ANKRD62: variants seen among roughly 807,000 people sequenced by gnomAD.
ANKRD62 encodes the protein ankyrin repeat domain-containing protein 62.
In ANKRD62, 61 loss-of-function variants were observed where a neutral mutation model predicts 98.8. The observed-to-expected ratio is 0.62, with a 90% CI of 0.50 to 0.76. ANKRD62 has a LOEUF of 0.76. Among genes scored for constraint, ANKRD62 ranks in the 30% least tolerant of loss-of-function variants. The pLI is 0.00. For missense variants in ANKRD62, 933 were observed against 1,082.9 expected (o/e 0.86, Z 1.94); for synonymous variants, 341 against 367.9 (o/e 0.93, Z 0.84).
chr18:12,141,593 G>A, the ANKRD62 span, among the ~76,000 whole-genome samples: 56 of 134,962 alleles, frequency 4.1e-4, no homozygotes, highest in African/African-American at 1.6e-3. Context: ...ATTAGGTATT[G>A]CCATCTTCCT....
At chr18:12,167,047 A>T in the ANKRD62 span, among the ~76,000 whole-genome samples, 7 of 151,944 alleles carry the variant, frequency 4.6e-5, no homozygotes, top group Admixed American at 4.6e-4. Context: ...CACAAAGGAC[A>T]TGAACTCATC....
In ANKRD62 at chr18:12,107,343, A is replaced by C; in HGVS notation, c.940A>C (p.Arg314=). Residue 314 remains arginine (R), a synonymous_variant, in exon 8 of 14, where the codon AGA becomes CGA. Transcript: ENST00000587848. ...CAGAAATAAGAAAATGGAAGTGTCA[A>C]GAAACGTACATGCTGATGACAGTGA... is the stretch of plus-strand genomic sequence containing the variant. ...KCRNKKMEVS[R]NVHADDSDNY... is the part of the protein sequence containing the mutation. 6.7e-7 allele frequency: 1 copy of C among 1,501,688 alleles called. No individual in the cohort carries two copies. The highest frequency in any genetic ancestry group is 8.8e-7 in the Non-Finnish European group (1 of 1,131,400). The allele number at this position is 1,501,688 out of a possible 1,614,324, so 93.0% of individuals were successfully genotyped here. A position where few individuals can be genotyped will look rare whatever the true frequency, so the allele number is the denominator to read the frequency against.
the ANKRD62 span, among the ~76,000 whole-genome samples, chr18:12,172,072 G>T: frequency 6.6e-6 from 1 of 152,050 alleles, no homozygotes; most frequent in African/African-American, 2.4e-5. Context: ...CTCTGGGATG[G>T]GTTTGAACAT....
chr18:12,176,228 A>G, the ANKRD62 span, among the ~76,000 whole-genome samples: 1,783 of 151,642 alleles, frequency 0.012, 69 homozygotes, highest in African/African-American at 0.042. Context: ...TTTAAATTAA[A>G]CCTAAATGGC....
intron 3 of ANKRD62, among the ~76,000 whole-genome samples, chr18:12,095,861 C>T (rs1160104300): frequency 6.6e-6 from 1 of 152,168 alleles, no homozygotes; most frequent in Non-Finnish European, 1.5e-5. Context: ...ATTTAGGAAA[C>T]TCATACACAT....
At chr18:12,137,259 G>A in the ANKRD62 span, among the ~76,000 whole-genome samples, 1 of 152,098 alleles carries the variant, frequency 6.6e-6, no homozygotes, top group South Asian at 2.1e-4. Context: ...TAGCATGAAG[G>A]GTTGTTGAAT....
the ANKRD62 span, among the ~76,000 whole-genome samples, chr18:12,146,305 G>A: frequency 1.3e-5 from 2 of 152,170 alleles, no homozygotes; most frequent in African/African-American, 4.8e-5. Flanking sequence ...CCAGGAGGAG[G>A]ATCAGGCCGC....
At chr18:12,157,005 G>A in the ANKRD62 span, among the ~76,000 whole-genome samples, 1 of 152,046 alleles carries the variant, frequency 6.6e-6, no homozygotes, top group African/African-American at 2.4e-5. Flanking sequence ...ATGTTGCCCA[G>A]GCAAGCAATC....
chr18:12,178,129 C>T, the ANKRD62 span, among the ~76,000 whole-genome samples: 4 of 151,516 alleles, frequency 2.6e-5, no homozygotes, highest in Admixed American at 2.6e-4. Flanking sequence ...ACACTTTTTA[C>T]CCAAATTTGA....
chr18:12,108,852 T>C (rs1909473293), intron 8 of ANKRD62, among the ~76,000 whole-genome samples: 1 of 152,196 alleles, frequency 6.6e-6, no homozygotes, highest in South Asian at 2.1e-4. Context: ...TACTTGGCAG[T>C]CATTAAATCT....
At chr18:12,115,282 G>A (rs1598735278) in intron 9 of ANKRD62, 111 bp from the exon 10 acceptor site, 5 of 1,287,586 alleles carry the variant, frequency 3.9e-6, no homozygotes, top group Non-Finnish European at 5.1e-6. Flanking sequence ...ATTTTAAGAA[G>A]TACCTGTGTT....
the ANKRD62 span, among the ~76,000 whole-genome samples, chr18:12,166,541 TG>T: frequency 6.6e-6 from 1 of 152,144 alleles, no homozygotes; most frequent in African/African-American, 2.4e-5. Context: ...TGTGTTACCT[TG>T]AATTTTTTTT....
the ANKRD62 span, among the ~76,000 whole-genome samples, chr18:12,164,260 C>T: frequency 6.6e-6 from 1 of 151,794 alleles, no homozygotes; most frequent in Admixed American, 6.6e-5. Flanking sequence ...TATCCACTTC[C>T]CCTACATTTT....
At chr18:12,098,220 G>A (rs921837602) in intron 5 of ANKRD62, among the ~76,000 whole-genome samples, 2 of 152,240 alleles carry the variant, frequency 1.3e-5, no homozygotes, top group South Asian at 4.1e-4. Flanking sequence ...CCAACTTGTG[G>A]TTGGCCCCTC....
chr18:12,135,057 T>TA, the ANKRD62 span, among the ~76,000 whole-genome samples: 1 of 151,642 alleles, frequency 6.6e-6, no homozygotes, highest in South Asian at 2.1e-4. Flanking sequence ...TTTTTTTTTT[T>TA]ATACTTTAAG....
At chr18:12,114,024 T>G (rs1301312754) in intron 8 of ANKRD62, among the ~76,000 whole-genome samples, 2 of 152,098 alleles carry the variant, frequency 1.3e-5, no homozygotes, top group Non-Finnish European at 2.9e-5. Flanking sequence ...TTCTTAGCAA[T>G]TTAACACAGT....
Position 12,122,306 on chromosome 18 carries a change from T to C in ANKRD62, c.1244T>C (p.Phe415Ser), listed in dbSNP as rs565185001. 2.0e-6 allele frequency: 3 copies of C among 1,533,178 alleles called. No individual in the cohort carries two copies. The South Asian group carries it at 3.6e-5, about 18-fold the overall frequency. The allele number at this position is 1,533,178 out of a possible 1,614,324, so 95.0% of individuals were successfully genotyped here. A position where few individuals can be genotyped will look rare whatever the true frequency, so the allele number is the denominator to read the frequency against. ...IEQSGMECKD[F>S]VSLSKSKNAT... is the part of the protein sequence containing the mutation. ...TTTTGTCTTCTCCTGGTAACAGATTTTGTTAGCCTATCGAAAAGCAAGAAT... is the reference window on the plus strand; with the variant it reads ...TTTTGTCTTCTCCTGGTAACAGATTCTGTTAGCCTATCGAAAAGCAAGAAT... Residue 415 changes from phenylalanine to serine, a missense_variant, in exon 11 of 14, where the codon TTT becomes TCT. Phe to Ser is a radical substitution (Grantham distance 155). Around this residue, in one of 3 missense-constraint regions of ANKRD62, gnomAD observed 549 missense variants for 587.9 expected, o/e 0.93. Coordinates refer to ENST00000587848, the MANE Select transcript of ANKRD62 (RefSeq NM_001277333.2).
In ANKRD62 at chr18:12,128,085, A is replaced by C; in HGVS notation, c.*146A>C. 1 of 446,506 alleles carries C rather than the reference A, an allele frequency of 2.2e-6. No homozygotes were observed. The highest frequency in any genetic ancestry group is 3.5e-6 in the Non-Finnish European group (1 of 283,498). 27.7% of individuals were successfully genotyped at this position (446,506 alleles called of 1,614,324 possible). On this transcript the variant is annotated 3_prime_UTR_variant, in exon 14 of 14. Coordinates refer to ENST00000587848, the MANE Select transcript of ANKRD62 (RefSeq NM_001277333.2). ...TCTCTGCCATGTTTTATAATTATAA[A>C]TATTTTTCTTACACTATTTCCCCTT...
intron 6 of ANKRD62, chr18:12,102,438 C>T (rs552889797): frequency 2.1e-5 from 10 of 474,378 alleles, no homozygotes; most frequent in Admixed American, 1.8e-4. Context: ...CCTTGGGCAC[C>T]GCGAAGGGTA....
Sources: allele counts gnomAD v4.1 joint callset (sites outside exome capture counted in the v4.1 genomes callset), GRCh38; gene constraint gnomAD v4.1.1; regional missense constraint gnomAD v4.1.1; transcripts MANE v1.5; gene names NCBI Gene and HGNC (gene_info 2026-07-23, HGNC 2026-07-21).